MEAK7: variants seen among roughly 807,000 people sequenced by gnomAD.
MEAK7 encodes MTOR associated protein MEAK7.
Under a neutral mutation model 40.5 loss-of-function variants are expected in MEAK7, and 68 were observed. The ratio of observed to expected loss-of-function variants is 1.68; its 90% CI spans 1.38 to 2.06. MEAK7 has a LOEUF of 2.06. Among genes scored for constraint, MEAK7 ranks in the 30% most tolerant of loss-of-function variants. The pLI is 0.00. For missense variants in MEAK7, 918 were observed against 580.5 expected (o/e 1.58, Z -5.98); for synonymous variants, 338 against 231.9 (o/e 1.46, Z -4.16).
chr16:84,503,636 A>G (rs1053246389), intron 1 of MEAK7, among the ~76,000 whole-genome samples: 1 of 152,184 alleles, frequency 6.6e-6, no homozygotes, highest in African/African-American at 2.4e-5. Flanking sequence ...TGATCTGCTT[A>G]CTGGAGGTCA....
chr16:84,482,795 A>C, intron 5 of MEAK7, 85 bp from the exon 6 acceptor site: 2 of 1,562,174 alleles, frequency 1.3e-6, no homozygotes, highest in Non-Finnish European at 1.7e-6. Flanking sequence ...GCTGCAGCTC[A>C]GGAAGCAACA....
In MEAK7 at chr16:84,487,051, T is replaced by C; in HGVS notation, c.538A>G (p.Arg180Gly). The change falls in exon 5 of 8, where the codon AGA becomes GGA. Residue 180 changes from arginine to glycine, a missense_variant. Transcript: ENST00000343629. ...LSDMKLQDGK[R>G]LLGPQWLDYD... is the part of the protein sequence containing the mutation. Reference sequence around the variant, plus strand: ...TCCAGCCACTGGGGCCCCAGAAGTCTCTTGCCATCTAGGGGAAGGGGATGG... The same window carrying C: ...TCCAGCCACTGGGGCCCCAGAAGTCCCTTGCCATCTAGGGGAAGGGGATGG... 1 of 1,610,642 alleles carries C rather than the reference T, an allele frequency of 6.2e-7. No individual in the cohort carries two copies. Among genetic ancestry groups the C allele is most frequent in the East Asian group, 2.2e-5 (1 of 44,854 alleles).
chr16:84,497,454 G>A (rs943816145), intron 2 of MEAK7: 31 of 1,289,558 alleles, frequency 2.4e-5, no homozygotes, highest in Non-Finnish European at 3.0e-5. Flanking sequence ...GACACGTCAT[G>A]GTTCCTGGAC....
At chr16:84,490,535 G>A (rs920188416) in intron 3 of MEAK7, among the ~76,000 whole-genome samples, 3 of 130,358 alleles carry the variant, frequency 2.3e-5, no homozygotes, top group African/African-American at 6.0e-5. Context: ...TTTGATATTT[G>A]TGTTACTTTT....
intron 2 of MEAK7, chr16:84,497,517 G>C: frequency 1.5e-6 from 2 of 1,290,634 alleles, no homozygotes; most frequent in Non-Finnish European, 2.0e-6. Flanking sequence ...CCATCTCTGG[G>C]AGGGCAGTCA....
rs777437103 is a variant in MEAK7 at position 84,480,717 on chromosome 16, G to A, written c.1078-9C>T. 1.2e-6 allele frequency: 2 copies of A among 1,607,112 alleles called. No homozygotes were observed. The highest frequency in any genetic ancestry group is 1.7e-6 in the Non-Finnish European group (2 of 1,176,534). On this transcript the variant is annotated splice_polypyrimidine_tract_variant and intron_variant, in intron 6 of 7. Coordinates refer to ENST00000343629, the MANE Select transcript of MEAK7 (RefSeq NM_020947.4). ...TGCTGCCCCCCCATACCCTGCAAAGGAAGCCAGGACAGAGAATAGCATCAG... is the reference window on the plus strand; with the variant it reads ...TGCTGCCCCCCCATACCCTGCAAAGAAAGCCAGGACAGAGAATAGCATCAG...
Position 84,477,920 on chromosome 16 carries a change from G to A in MEAK7, c.*1993C>T, listed in dbSNP as rs1354178792. The A allele has an allele frequency of 6.6e-6, 1 of 152,122 alleles. No individual in the cohort carries two copies. Among genetic ancestry groups the A allele is most frequent in the Non-Finnish European group, 1.5e-5 (1 of 68,044 alleles). The allele number at this position is 152,122 out of a possible 1,614,324, so 9.4% of individuals were successfully genotyped here. On this transcript the variant is annotated 3_prime_UTR_variant, in exon 8 of 8. Transcript: ENST00000343629. The stretch of plus-strand genomic sequence containing the variant: ...ACTGCCTGGAAGCAGGTGCATTCGT[G>A]ATCTGCACTCTCCTTAGAACAAGCT...
At chr16:84,481,936 G>GA (rs1268627295) in intron 6 of MEAK7, among the ~76,000 whole-genome samples, 12 of 151,588 alleles carry the variant, frequency 7.9e-5, no homozygotes, top group Middle Eastern at 3.4e-3. Flanking sequence ...ATCTCAAAAA[G>GA]AAAAAAAAGA....
At chr16:84,494,339 T>C (rs1384983150) in intron 3 of MEAK7, among the ~76,000 whole-genome samples, 1 of 152,228 alleles carries the variant, frequency 6.6e-6, no homozygotes, top group Non-Finnish European at 1.5e-5. Context: ...CAGTGTCAAT[T>C]TTTATTATTT....
chr16:84,498,577 T>C (rs990650404), intron 1 of MEAK7, among the ~76,000 whole-genome samples: 12 of 152,180 alleles, frequency 7.9e-5, no homozygotes, highest in African/African-American at 2.9e-4. Flanking sequence ...GACTAGCTAA[T>C]ATTGTTTTGA....
intron 6 of MEAK7, among the ~76,000 whole-genome samples, chr16:84,482,310 C>A (rs1912630628): frequency 6.6e-6 from 1 of 152,230 alleles, no homozygotes; most frequent in Admixed American, 6.5e-5. Flanking sequence ...ACAAAGGCTA[C>A]AAACCAATCA....
intron 1 of MEAK7, among the ~76,000 whole-genome samples, chr16:84,501,570 C>T (rs1388463290): frequency 3.9e-5 from 6 of 152,096 alleles, no homozygotes; most frequent in African/African-American, 9.7e-5. Flanking sequence ...TGCACAGAAG[C>T]GGCGCAGACC....
chr16:84,496,208 C>T (rs9935522), intron 2 of MEAK7, among the ~76,000 whole-genome samples: 1,652 of 152,260 alleles, frequency 0.011, 38 homozygotes, highest in African/African-American at 0.037. Flanking sequence ...CATATCCCCA[C>T]GTGTATAGAA....
intron 1 of MEAK7, chr16:84,504,194 C>T: frequency 1.0e-6 from 1 of 975,014 alleles, no homozygotes; most frequent in African/African-American, 1.7e-5. Flanking sequence ...AAGGAAAACC[C>T]CCTCCACACA....
intron 2 of MEAK7, 61 bp from the exon 3 acceptor site, chr16:84,495,974 G>A (rs1914015075): frequency 2.5e-6 from 4 of 1,570,198 alleles, no homozygotes; most frequent in Admixed American, 3.4e-5. Flanking sequence ...TGGTTACTAG[G>A]AGTTATTATT....
At chr16:84,501,317 G>C (rs1914487686) in intron 1 of MEAK7, among the ~76,000 whole-genome samples, 2 of 151,952 alleles carry the variant, frequency 1.3e-5, no homozygotes, top group Admixed American at 1.3e-4. Flanking sequence ...GGCAAGGGTG[G>C]AACTCAGGGC....
chr16:84,483,741 A>G lies in MEAK7; in HGVS notation c.959-1031T>C, dbSNP rs141300427. Among the ~76,000 whole-genome samples, 7 of 152,270 alleles carry G rather than the reference A, an allele frequency of 4.6e-5. No homozygotes were observed. In the East Asian group the frequency reaches 1.4e-3, roughly 29 times the overall value. ...CATCAGGGTCTGGGAGGCTTCTGGG[A>G]GGCAGCTTCCGAGGTCAAGAGGGAG... On this transcript the variant is annotated intron_variant, in intron 5 of 7. Transcript: ENST00000343629.
At chr16:84,498,710 A>G (rs938969559) in intron 1 of MEAK7, among the ~76,000 whole-genome samples, 1 of 152,200 alleles carries the variant, frequency 6.6e-6, no homozygotes, top group African/African-American at 2.4e-5. Context: ...TGCCCAAGCT[A>G]ATATAATCAA....
intron 6 of MEAK7, among the ~76,000 whole-genome samples, chr16:84,481,331 G>C (rs747065724): frequency 2.0e-4 from 31 of 152,008 alleles, no homozygotes; most frequent in African/African-American, 7.3e-4. Flanking sequence ...GCACGCCCTA[G>C]TTCTGACCTT....
Sources: allele counts gnomAD v4.1 joint callset (sites outside exome capture counted in the v4.1 genomes callset), GRCh38; gene constraint gnomAD v4.1.1; transcripts MANE v1.5; gene names NCBI Gene and HGNC (gene_info 2026-07-23, HGNC 2026-07-21).